Variants in XKR6 observed in about 807,000 individuals in gnomAD.
The protein encoded by XKR6 is XK related 6.
Under a neutral mutation model 56.7 loss-of-function variants are expected in XKR6, and 22 were observed. That is an observed-to-expected ratio of 0.39 (90% CI 0.28 to 0.55). XKR6 has a LOEUF of 0.55. Among genes scored for constraint, XKR6 ranks in the 20% least tolerant of loss-of-function variants. XKR6 has a pLI of 0.66. For missense variants in XKR6, 852 were observed against 889.0 expected (o/e 0.96, Z 0.53); for synonymous variants, 524 against 387.8 (o/e 1.35, Z -4.13).
chr8:11,155,409 T>G (rs1226012582), intron 1 of XKR6, among the ~76,000 whole-genome samples: 1 of 152,176 alleles, frequency 6.6e-6, no homozygotes, highest in African/African-American at 2.4e-5. Flanking sequence ...AAAATCTCAT[T>G]TTATAAAGTG....
At chr8:10,953,950 G>C (rs1435792255) in intron 1 of XKR6, among the ~76,000 whole-genome samples, 6 of 152,122 alleles carry the variant, frequency 3.9e-5, no homozygotes, top group African/African-American at 7.2e-5. Flanking sequence ...CTTTCACTTA[G>C]CATGTTTCAA....
chr8:10,995,404 T>A (rs564346076), intron 1 of XKR6, among the ~76,000 whole-genome samples: 1 of 147,890 alleles, frequency 6.8e-6, no homozygotes, highest in Non-Finnish European at 1.5e-5. Flanking sequence ...AGTAGATATA[T>A]ATATCTACTA....
At chr8:11,000,897 A>G (rs1254408778) in intron 1 of XKR6, among the ~76,000 whole-genome samples, 1 of 152,090 alleles carries the variant, frequency 6.6e-6, no homozygotes, top group African/African-American at 2.4e-5. Context: ...TGGTCCAGAG[A>G]GTATATCCCT....
chr8:11,073,986 G>A (rs1187466528), intron 1 of XKR6, among the ~76,000 whole-genome samples: 2 of 152,144 alleles, frequency 1.3e-5, no homozygotes, highest in Admixed American at 6.5e-5. Context: ...CTGTTCGGCT[G>A]GTTTGAAGAA....
intron 1 of XKR6, among the ~76,000 whole-genome samples, chr8:11,182,560 G>A (rs1199503373): frequency 6.6e-6 from 1 of 152,214 alleles, no homozygotes; most frequent in African/African-American, 2.4e-5. Flanking sequence ...TCACCTGTGT[G>A]GATATATTAG....
intron 1 of XKR6, among the ~76,000 whole-genome samples, chr8:11,053,695 T>C (rs984377852): frequency 5.9e-5 from 9 of 152,364 alleles, no homozygotes; most frequent in African/African-American, 1.9e-4. Flanking sequence ...TCTAGCCCTC[T>C]GTTCCTGAGA....
At chr8:11,196,066 T>A (rs1036331496) in intron 1 of XKR6, among the ~76,000 whole-genome samples, 9 of 152,120 alleles carry the variant, frequency 5.9e-5, no homozygotes, top group African/African-American at 2.2e-4. Flanking sequence ...AATGCAAGTA[T>A]ACAATCTATT....
chr8:11,199,831 A>G (rs1804102787), intron 1 of XKR6, among the ~76,000 whole-genome samples: 1 of 152,210 alleles, frequency 6.6e-6, no homozygotes, highest in Non-Finnish European at 1.5e-5. Flanking sequence ...GCTACCAAAA[A>G]CATCGTTTCC....
At chr8:10,991,246 G>A (rs574818127) in intron 1 of XKR6, among the ~76,000 whole-genome samples, 2 of 152,186 alleles carry the variant, frequency 1.3e-5, no homozygotes, top group Non-Finnish European at 2.9e-5. Context: ...GTGAGAGTAG[G>A]GGGGAAATGC....
intron 2 of XKR6, 31 bp downstream of exon 2, chr8:10,924,603 G>T: frequency 6.3e-7 from 1 of 1,584,428 alleles, no homozygotes. Flanking sequence ...GGGCAGGCCG[G>T]GGTGGCGGGG....
rs893996747 is a variant in XKR6 at position 11,123,739 on chromosome 8, C to T, written c.764+76837G>A. 4 of 418,026 alleles carry T rather than the reference C, an allele frequency of 9.6e-6. No homozygotes were observed. The Admixed American group carries it at 1.0e-4, about 11-fold the overall frequency. The allele number at this position is 418,026 out of a possible 1,614,324, so 25.9% of individuals were successfully genotyped here. Reference sequence around the variant, plus strand: ...TCTCCTGAAGAAATCCAATATGCACCCCTACCCCGGGAAAAAAAAACAAAA... The same window carrying T: ...TCTCCTGAAGAAATCCAATATGCACTCCTACCCCGGGAAAAAAAAACAAAA... On this transcript the variant is annotated intron_variant, in intron 1 of 2. Transcript: ENST00000416569.
intron 1 of XKR6, chr8:11,063,059 G>T: frequency 2.9e-6 from 1 of 344,280 alleles, no homozygotes; most frequent in South Asian, 2.2e-5. Context: ...TATGGACAAG[G>T]AATAAATTTA....
At chr8:11,149,025 G>C (rs1046459042) in intron 1 of XKR6, among the ~76,000 whole-genome samples, 5 of 152,146 alleles carry the variant, frequency 3.3e-5, no homozygotes, top group Non-Finnish European at 7.3e-5. Context: ...GACAGGGAGG[G>C]GATTACAAAG....
chr8:10,984,757 T>TATATATATATATATATATA (rs1554519601), intron 1 of XKR6, among the ~76,000 whole-genome samples: 86 of 139,816 alleles, frequency 6.2e-4, no homozygotes, highest in Non-Finnish European at 9.2e-4. Context: ...TATATATATA[T>TATATATATATATATATATA]TTGAAGAAAT....
rs138187173 is a variant in XKR6, at chr8:10,995,440, A to G, written c.765-70610T>C. Among the ~76,000 whole-genome samples, 389 of 147,594 alleles carry G rather than the reference A, an allele frequency of 2.6e-3. 2 individuals are homozygous for G. The highest frequency in any genetic ancestry group is 9.3e-3 in the African/African-American group (378 of 40,576). On this transcript the variant is annotated intron_variant, in intron 1 of 2. Coordinates refer to ENST00000416569, the MANE Select transcript of XKR6 (RefSeq NM_173683.4). ...TATTTACTATATCTACTATAACCCTATATCTAATATATATATTATATATAA... is the reference window on the plus strand; with the variant it reads ...TATTTACTATATCTACTATAACCCTGTATCTAATATATATATTATATATAA...
intron 1 of XKR6, among the ~76,000 whole-genome samples, chr8:11,110,887 A>G (rs905204260): frequency 2.0e-5 from 3 of 151,240 alleles, no homozygotes; most frequent in African/African-American, 7.3e-5. Flanking sequence ...CCCAGGCTGG[A>G]GTGCAGTGGT....
intron 1 of XKR6, among the ~76,000 whole-genome samples, chr8:11,051,337 C>T (rs533896154): frequency 1.3e-5 from 2 of 152,200 alleles, no homozygotes; most frequent in East Asian, 3.9e-4. Flanking sequence ...CGGTACTTTC[C>T]TTCCGACCAT....
chr8:11,122,821 T>C (rs1427556691), intron 1 of XKR6, among the ~76,000 whole-genome samples: 2 of 152,182 alleles, frequency 1.3e-5, no homozygotes, highest in African/African-American at 4.8e-5. Flanking sequence ...CTCACTAATA[T>C]TTGGTATGGT....
chr8:11,168,685 A>T lies in XKR6; in HGVS notation c.764+31891T>A, dbSNP rs1015078017. The stretch of plus-strand genomic sequence containing the variant: ...GAATTTAAAAAGACTGAAGTCATAC[A>T]AAGTATTGATAGAGAAAGTTAGGTA... On this transcript the variant is annotated intron_variant, in intron 1 of 2. Coordinates refer to ENST00000416569, the MANE Select transcript of XKR6 (RefSeq NM_173683.4). Among the ~76,000 whole-genome samples, 4 of 152,214 alleles carry T rather than the reference A, an allele frequency of 2.6e-5. No individual in the cohort carries two copies. In the South Asian group the frequency reaches 8.3e-4, roughly 32 times the overall value.
Sources: gnomAD v4.1 joint callset for allele counts (sites outside exome capture counted in the v4.1 genomes callset) on GRCh38, gnomAD v4.1.1 for gene constraint, MANE v1.5 for transcripts, NCBI Gene and HGNC (gene_info 2026-07-23, HGNC 2026-07-21) for gene names.